PTPRK: variants seen among roughly 807,000 people sequenced by gnomAD.
PTPRK encodes protein tyrosine phosphatase receptor type K.
In PTPRK, 75 loss-of-function variants were observed where a neutral mutation model predicts 178.0. The ratio of observed to expected loss-of-function variants is 0.42; its 90% confidence interval spans 0.35 to 0.51. The LOEUF is 0.51. PTPRK is among the 20% of genes least tolerant of loss of function. The pLI, the probability that PTPRK is intolerant of heterozygous loss-of-function variation, is 0.02. For missense variants in PTPRK, 1,441 were observed against 1,797.8 expected, an observed-to-expected ratio of 0.80 and a Z score of 3.59; for synonymous variants, 637 against 620.6, an observed-to-expected ratio of 1.03 and a Z score of -0.39.
chr6:128,450,331 A>C (rs1847627200), intron 1 of PTPRK, among the ~76,000 whole-genome samples: 1 of 152,208 alleles, frequency 6.6e-6, no homozygotes, highest in Non-Finnish European at 1.5e-5. Context: ...TTAAAAACAA[A>C]TTATCTTCTT....
intron 2 of PTPRK, among the ~76,000 whole-genome samples, chr6:128,367,823 G>A (rs773545532): frequency 1.1e-4 from 16 of 152,070 alleles, no homozygotes; most frequent in Non-Finnish European, 1.9e-4. Flanking sequence ...ATACTGAAAT[G>A]GAAACCATTA....
At chr6:128,119,232 C>A (rs571225600) in intron 7 of PTPRK, among the ~76,000 whole-genome samples, 1 of 150,486 alleles carries the variant, frequency 6.6e-6, no homozygotes, top group Non-Finnish European at 1.5e-5. Flanking sequence ...CATAACTAAA[C>A]AAATAACAAA....
At chr6:128,490,802 C>T (rs2128429064) in intron 1 of PTPRK, among the ~76,000 whole-genome samples, 1 of 152,290 alleles carries the variant, frequency 6.6e-6, no homozygotes, top group African/African-American at 2.4e-5. Flanking sequence ...GATCAAGATA[C>T]CAATAAGGCT....
intron 7 of PTPRK, among the ~76,000 whole-genome samples, chr6:128,181,071 A>G (rs1801838067): frequency 6.6e-6 from 1 of 152,080 alleles, no homozygotes; most frequent in Admixed American, 6.6e-5. Flanking sequence ...ATAAAATATC[A>G]TGATACATTC....
At chr6:128,470,720 T>C (rs974683566) in intron 1 of PTPRK, among the ~76,000 whole-genome samples, 2 of 149,734 alleles carry the variant, frequency 1.3e-5, no homozygotes, top group South Asian at 4.2e-4. Context: ...CAATGAGGCA[T>C]TATCTAGAAG....
At chr6:128,421,936 A>G (rs941035538) in intron 1 of PTPRK, among the ~76,000 whole-genome samples, 6 of 152,236 alleles carry the variant, frequency 3.9e-5, no homozygotes, top group Non-Finnish European at 5.9e-5. Context: ...GGCTAGGCCC[A>G]TTCAAATAAG....
chr6:128,178,201 T>G (rs1251744711), intron 7 of PTPRK, among the ~76,000 whole-genome samples: 1 of 151,922 alleles, frequency 6.6e-6, no homozygotes, highest in East Asian at 1.9e-4. Flanking sequence ...ATTACTGAAG[T>G]ATGTTATATT....
At chr6:128,514,070 C>T (rs1183696146) in intron 1 of PTPRK, among the ~76,000 whole-genome samples, 2 of 152,100 alleles carry the variant, frequency 1.3e-5, no homozygotes, top group African/African-American at 2.4e-5. Context: ...CTTGGAGAAT[C>T]GGCCTATGAG....
rs372364259 is a variant in PTPRK, at chr6:128,042,438, C to T, written c.2194+22320G>A. Among the ~76,000 whole-genome samples the T allele has an allele frequency of 9.9e-5, 15 of 152,070 alleles. No individual in the cohort carries two copies. In the South Asian group the frequency reaches 3.1e-3, roughly 32 times the overall value. On this transcript the variant is annotated intron_variant, in intron 13 of 29. Coordinates refer to ENST00000368226, the MANE Select transcript of PTPRK (RefSeq NM_002844.4). Reference sequence around the variant, plus strand: ...TTTCTACAGACTCAAGGGAGATAATCTGTTTTCTTGATTTTTCCAGTTTCT... The same window carrying T: ...TTTCTACAGACTCAAGGGAGATAATTTGTTTTCTTGATTTTTCCAGTTTCT...
At chr6:128,410,477 T>C (rs1290395418) in intron 1 of PTPRK, among the ~76,000 whole-genome samples, 1 of 152,294 alleles carries the variant, frequency 6.6e-6, no homozygotes, top group East Asian at 1.9e-4. Context: ...AAAACTACTT[T>C]TTGCTGGGCA....
chr6:128,090,097 T>G, intron 7 of PTPRK, 105 bp from the exon 8 acceptor site: 1 of 898,092 alleles, frequency 1.1e-6, no homozygotes, highest in Non-Finnish European at 1.7e-6. Context: ...CTAGAAAATG[T>G]GGAAGTCATG....
intron 1 of PTPRK, among the ~76,000 whole-genome samples, chr6:128,425,151 C>T (rs1843974769): frequency 1.3e-5 from 2 of 150,322 alleles, no homozygotes; most frequent in South Asian, 4.2e-4. Flanking sequence ...GATCTCGGCT[C>T]ACTGCAACCT....
intron 1 of PTPRK, among the ~76,000 whole-genome samples, chr6:128,404,375 C>T (rs894441729): frequency 1.3e-5 from 2 of 152,232 alleles, no homozygotes; most frequent in Admixed American, 6.5e-5. Flanking sequence ...CATGCCCTAG[C>T]ATATACATGC....
At chr6:128,218,542 C>T (rs916115253) in intron 6 of PTPRK, among the ~76,000 whole-genome samples, 2 of 152,166 alleles carry the variant, frequency 1.3e-5, no homozygotes, top group Admixed American at 1.3e-4. Flanking sequence ...AAACTTGGAC[C>T]TTGACTTCAT....
intron 7 of PTPRK, among the ~76,000 whole-genome samples, chr6:128,098,203 C>A (rs1788214496): frequency 6.6e-6 from 1 of 151,914 alleles, no homozygotes; most frequent in African/African-American, 2.4e-5. Flanking sequence ...ACCTAAAAAC[C>A]CAGTTCTCTG....
chr6:128,137,422 T>C (rs1795168135), intron 7 of PTPRK, among the ~76,000 whole-genome samples: 1 of 152,182 alleles, frequency 6.6e-6, no homozygotes, highest in Non-Finnish European at 1.5e-5. Flanking sequence ...TACGCAAGTG[T>C]CCATTAGAAA....
At chr6:128,421,056 A>C (rs999439431) in intron 1 of PTPRK, among the ~76,000 whole-genome samples, 5 of 152,170 alleles carry the variant, frequency 3.3e-5, no homozygotes, top group Non-Finnish European at 7.3e-5. Flanking sequence ...GCTTATAAAA[A>C]ACACAATCAT....
chr6:128,320,426 C>T (rs555572127), intron 3 of PTPRK, among the ~76,000 whole-genome samples: 22 of 152,218 alleles, frequency 1.4e-4, no homozygotes, highest in African/African-American at 5.3e-4. Flanking sequence ...TCAACAGTTA[C>T]TTCTATGTTG....
chr6:128,034,568 A>AAGCAAC (rs995110418), intron 13 of PTPRK, among the ~76,000 whole-genome samples: 9 of 152,186 alleles, frequency 5.9e-5, no homozygotes, highest in Non-Finnish European at 1.3e-4. Flanking sequence ...AAAAAATCAA[A>AAGCAAC]AGCAACACTC....
Sources: allele counts gnomAD v4.1 joint callset (sites outside exome capture counted in the v4.1 genomes callset), GRCh38; gene constraint gnomAD v4.1.1; transcripts MANE v1.5; gene names NCBI Gene and HGNC (gene_info 2026-07-23, HGNC 2026-07-21).